MCTP1: variants seen among roughly 807,000 people sequenced by gnomAD.
The protein encoded by MCTP1 is multiple C2 and transmembrane domain containing 1.
In MCTP1, 69 loss-of-function variants were observed where a neutral mutation model predicts 120.6. The observed-to-expected ratio is 0.57, with a 90% CI of 0.47 to 0.70. The LOEUF (loss-of-function observed/expected upper bound fraction) is 0.70, where lower values mean the gene tolerates loss of function less well. Ranked by LOEUF, MCTP1 falls within the 30% of genes least tolerant of loss-of-function variation. The pLI, the probability that MCTP1 is intolerant of heterozygous loss-of-function variation, is 0.00. For missense variants in MCTP1, 1,203 were observed against 1,248.8 expected, an observed-to-expected ratio of 0.96 and a Z score of 0.55; for synonymous variants, 529 against 493.1, an observed-to-expected ratio of 1.07 and a Z score of -0.96.
At chr5:94,748,699 G>A (rs6889062) in intron 19 of MCTP1, among the ~76,000 whole-genome samples, 26,893 of 152,140 alleles carry the variant, frequency 0.18, 2,433 homozygotes, top group South Asian at 0.29. Flanking sequence ...AGCACTCTAA[G>A]TTTCTCGATT....
In MCTP1 at chr5:94,909,362, T is replaced by C; in HGVS notation, c.1541A>G (p.Asn514Ser). 1 of 1,587,168 alleles carries C rather than the reference T, an allele frequency of 6.3e-7. No individual in the cohort carries two copies. The highest frequency in any genetic ancestry group is 8.5e-7 in the Non-Finnish European group (1 of 1,171,564). ...ATCAAATTGTTCCCTCCACTGAGGATTCAACGTTTTTGGCATAATCTGGAA... is the reference window on the plus strand; with the variant it reads ...ATCAAATTGTTCCCTCCACTGAGGACTCAACGTTTTTGGCATAATCTGGAA... Reference protein sequence around the residue: ...YKSKIMPKTLNPQWREQFDFH... With the variant: ...YKSKIMPKTLSPQWREQFDFH... Residue 514 changes from asparagine to serine, a missense_variant, in exon 10 of 23, where the codon AAT becomes AGT. Asn to Ser is a conservative substitution (Grantham distance 46, BLOSUM62 1). Around this residue, in one of 2 missense-constraint regions of MCTP1, gnomAD observed 740 missense variants for 871.1 expected, o/e 0.85. Coordinates refer to ENST00000515393, the MANE Select transcript of MCTP1 (RefSeq NM_024717.7).
chr5:94,758,015 T>C (rs1484915731), intron 19 of MCTP1, among the ~76,000 whole-genome samples: 1 of 152,108 alleles, frequency 6.6e-6, no homozygotes, highest in Non-Finnish European at 1.5e-5. Flanking sequence ...AGTAAGGTGT[T>C]ATAGATGGAG....
chr5:94,932,118 A>G (rs773003616), intron 5 of MCTP1, 127 bp from the exon 6 acceptor site: 1 of 586,068 alleles, frequency 1.7e-6, no homozygotes, highest in Non-Finnish European at 3.0e-6. Context: ...CAATTATACA[A>G]CACAAAACTT....
intron 19 of MCTP1, among the ~76,000 whole-genome samples, chr5:94,730,199 C>A (rs191665358): frequency 5.7e-4 from 87 of 152,346 alleles, no homozygotes; most frequent in Non-Finnish European, 9.0e-4. Flanking sequence ...CTCACTCTGT[C>A]ACCCAGGCTG....
chr5:95,002,563 C>T (rs764093968), intron 2 of MCTP1, among the ~76,000 whole-genome samples: 6 of 152,198 alleles, frequency 3.9e-5, no homozygotes, highest in African/African-American at 9.7e-5. Context: ...TAAGATTTAA[C>T]GACTGCCCTA....
intron 8 of MCTP1, among the ~76,000 whole-genome samples, chr5:94,914,972 A>G (rs946738029): frequency 1.3e-5 from 2 of 152,236 alleles, no homozygotes; most frequent in East Asian, 1.9e-4. Flanking sequence ...CTCTAACAGC[A>G]GACTCTAGAG....
intron 1 of MCTP1, among the ~76,000 whole-genome samples, chr5:95,239,232 T>C (rs1294521219): frequency 6.6e-6 from 1 of 152,158 alleles, no homozygotes; most frequent in Non-Finnish European, 1.5e-5. Flanking sequence ...AGAAACAGAA[T>C]AGGCAGTCTT....
At chr5:94,894,536 G>C in intron 11 of MCTP1, 113 bp downstream of exon 11, 1 of 747,036 alleles carries the variant, frequency 1.3e-6, no homozygotes, top group Non-Finnish European at 2.1e-6. Context: ...TTTTACTTGT[G>C]CCAATTCTTC....
At chr5:95,176,813 T>C (rs1748040221) in intron 1 of MCTP1, among the ~76,000 whole-genome samples, 2 of 152,006 alleles carry the variant, frequency 1.3e-5, no homozygotes, top group South Asian at 4.1e-4. Context: ...AAGCCAAGAT[T>C]GGGCAACAGA....
chr5:94,961,879 C>T (rs1252144959), intron 2 of MCTP1, among the ~76,000 whole-genome samples: 2 of 152,068 alleles, frequency 1.3e-5, no homozygotes, highest in Non-Finnish European at 2.9e-5. Flanking sequence ...CCTCCTTAGC[C>T]CACTTTTCGA....
chr5:94,712,843 G>A (rs767010912), intron 20 of MCTP1, among the ~76,000 whole-genome samples: 2 of 151,772 alleles, frequency 1.3e-5, no homozygotes, highest in Non-Finnish European at 1.5e-5. Flanking sequence ...TCCATCACAC[G>A]ACTCCACGTG....
Position 94,940,063 on chromosome 5 carries a change from C to T in MCTP1, c.1173+21G>A, listed in dbSNP as rs145008794. 4.9e-5 allele frequency: 70 copies of T among 1,416,212 alleles called. No individual in the cohort carries two copies. In the East Asian group the frequency reaches 1.5e-3, roughly 31 times the overall value. The allele number at this position is 1,416,212 out of a possible 1,614,324, so 87.7% of individuals were successfully genotyped here. Reference sequence around the variant, plus strand: ...ACTTTCAAACAAGAAAGAGCTCCTACTAGGCTGTGGGGGAACTTACCACAT... The same window carrying T: ...ACTTTCAAACAAGAAAGAGCTCCTATTAGGCTGTGGGGGAACTTACCACAT... On this transcript the variant is annotated intron_variant, in intron 5 of 22. Transcript: ENST00000515393.
intron 2 of MCTP1, 67 bp downstream of exon 2, chr5:95,017,300 G>T: frequency 2.3e-6 from 2 of 875,418 alleles, no homozygotes; most frequent in South Asian, 1.9e-5. Context: ...AGGCAATCAC[G>T]TGGAAAACAA....
intron 1 of MCTP1, among the ~76,000 whole-genome samples, chr5:95,139,952 T>C (rs1321185105): frequency 6.6e-6 from 1 of 152,186 alleles, no homozygotes; most frequent in African/African-American, 2.4e-5. Context: ...ATCAAAATCA[T>C]TAAATTTAAA....
At chr5:94,817,845 G>T (rs1255377934) in intron 17 of MCTP1, among the ~76,000 whole-genome samples, 1 of 152,036 alleles carries the variant, frequency 6.6e-6, no homozygotes, top group Non-Finnish European at 1.5e-5. Flanking sequence ...GGGCTCTCTT[G>T]TTCTTCTGTT....
At chr5:95,009,499 C>G (rs1835484311) in intron 2 of MCTP1, among the ~76,000 whole-genome samples, 1 of 151,630 alleles carries the variant, frequency 6.6e-6, no homozygotes, top group Non-Finnish European at 1.5e-5. Context: ...TAAAGTGACA[C>G]TAAATTAAAT....
chr5:94,894,798 T>A lies in MCTP1; in HGVS notation c.1690A>T (p.Thr564Ser). The stretch of plus-strand genomic sequence containing the variant: ...TCCAGCTGCAACTCCAGCTTGTGCG[T>A]CTGTTCCCTACTGAGGGCTGACAGG... ...VDLSALSREQ[T>S]HKLELQLEEG... Residue 564 changes from threonine to serine, a missense_variant, in exon 11 of 23, where the codon ACG becomes TCG. This residue lies in a region of MCTP1 where 740 missense variants were observed against 871.1 expected (regional missense o/e 0.85). Coordinates refer to ENST00000515393, the MANE Select transcript of MCTP1 (RefSeq NM_024717.7). 6.2e-7 allele frequency: 1 copy of A among 1,611,274 alleles called. No homozygotes were observed. The highest frequency in any genetic ancestry group is 8.5e-7 in the Non-Finnish European group (1 of 1,178,310).
chr5:95,206,276 C>T (rs1005245983), intron 1 of MCTP1, among the ~76,000 whole-genome samples: 2 of 152,164 alleles, frequency 1.3e-5, no homozygotes, highest in African/African-American at 4.8e-5. Flanking sequence ...AGATTACATA[C>T]TGTAATTCCA....
chr5:94,907,165 A>G (rs1807130635), intron 10 of MCTP1, among the ~76,000 whole-genome samples: 1 of 152,220 alleles, frequency 6.6e-6, no homozygotes, highest in African/African-American at 2.4e-5. Flanking sequence ...AGATGCTTTT[A>G]AAGAGCAATT....
Sources: gnomAD v4.1 joint callset for allele counts (sites outside exome capture counted in the v4.1 genomes callset) on GRCh38, gnomAD v4.1.1 for gene constraint, gnomAD v4.1.1 regional missense constraint, MANE v1.5 for transcripts, NCBI Gene and HGNC (gene_info 2026-07-23, HGNC 2026-07-21) for gene names.